EARS2: variants seen among roughly 807,000 people sequenced by gnomAD.
The protein encoded by EARS2 is glutamyl-tRNA synthetase 2, mitochondrial.
In EARS2, 50 loss-of-function variants were observed where a neutral mutation model predicts 54.1. That is an observed-to-expected ratio of 0.92 (90% confidence interval 0.74 to 1.17). The LOEUF is 1.17. EARS2 is among the 50% of genes most tolerant of loss of function. The pLI, the probability that EARS2 is intolerant of heterozygous loss-of-function variation, is 0.00. For missense variants in EARS2, 673 were observed against 675.0 expected (o/e 1.00, Z 0.03); for synonymous variants, 298 against 281.0 (o/e 1.06, Z -0.61).
chr16:23,555,664 C>A (rs1038852733), intron 1 of EARS2, among the ~76,000 whole-genome samples: 1 of 152,156 alleles, frequency 6.6e-6, no homozygotes, highest in Non-Finnish European at 1.5e-5. Flanking sequence ...CAATCAAGTA[C>A]AGAAACTGAG....
In EARS2 at chr16:23,524,397, G is replaced by T; in HGVS notation, c.1546C>A (p.Arg516=). The change falls in exon 9 of 9, where the codon CGG becomes AGG. Residue 516 remains arginine (R), a synonymous_variant. Coordinates refer to ENST00000449606, the MANE Select transcript of EARS2 (RefSeq NM_001083614.2). Reference sequence around the variant, plus strand: ...TAGCTGGAAACCACCTTCTGGATCCGTTCCCGTACTTCCTTTGGTCCCAAG... The same window carrying T: ...TAGCTGGAAACCACCTTCTGGATCCTTTCCCGTACTTCCTTTGGTCCCAAG... ...LALGPKEVRE[R]IQKVVSS The T allele has an allele frequency of 6.2e-7, 1 of 1,614,136 alleles. No homozygotes were observed.
In EARS2 at chr16:23,525,463, A is replaced by G. The variant is rs1965212031; in HGVS notation, c.1353-84T>C. On this transcript the variant is annotated intron_variant, in intron 7 of 8. Transcript: ENST00000449606. ...GAAGGGCTTCAGAAGGTTATTGATC[A>G]GCTACAGTACGAGCAGCACAACCAA... 4.9e-6 allele frequency: 7 copies of G among 1,434,302 alleles called. No individual in the cohort carries two copies. In the Admixed American group the frequency reaches 1.5e-4, roughly 30 times the overall value. 88.8% of individuals were successfully genotyped at this position (1,434,302 alleles called of 1,614,324 possible).
intron 8 of EARS2, 28 bp from the exon 9 acceptor site, chr16:23,524,482 T>C: frequency 6.3e-7 from 1 of 1,597,426 alleles, no homozygotes. Flanking sequence ...AAATATTGCC[T>C]TACTACCTTA....
rs1165879317 is a variant in EARS2 at position 23,535,131 on chromosome 16, T to C, written c.715A>G (p.Met239Val). ...HLACVVDDHHMGISHVLRGSE... is the reference protein window; with the variant it reads ...HLACVVDDHHVGISHVLRGSE... ...CCTCGCAGCACGTGGCTGATGCCCA[T>C]GTGGTGGTCGTCCACCACGCAGGCC... The change falls in exon 4 of 9, where the codon ATG becomes GTG. Residue 239 changes from methionine to valine, a missense_variant. By Grantham distance (21) the Met-to-Val change is conservative. Coordinates refer to ENST00000449606, the MANE Select transcript of EARS2 (RefSeq NM_001083614.2). 1.6e-5 allele frequency: 26 copies of C among 1,612,714 alleles called. No individual in the cohort carries two copies. The highest frequency in any genetic ancestry group is 2.2e-5 in the East Asian group (1 of 44,870).
chr16:23,525,317 A>G lies in EARS2; in HGVS notation c.1415T>C (p.Leu472Pro). The G allele has an allele frequency of 1.2e-6, 2 of 1,614,112 alleles. No individual in the cohort carries two copies. Among genetic ancestry groups the G allele is most frequent in the South Asian group, 2.2e-5 (2 of 91,068 alleles). Residue 472 changes from leucine (L) to proline (P), a missense_variant, in exon 8 of 9, where the codon CTA (leucine) becomes CCA (proline). Coordinates refer to ENST00000449606, the MANE Select transcript of EARS2 (RefSeq NM_001083614.2). ...QDMLNGELKK[L>P]SEGLEGTKYS... is the part of the protein sequence containing the mutation. The stretch of plus-strand genomic sequence containing the variant: ...CTTGGTGCCTTCCAGACCTTCTGAT[A>G]GCTTCTTCAGTTCTCCATTCAGCAT...
chr16:23,524,688 C>T (rs1965195479), intron 8 of EARS2, among the ~76,000 whole-genome samples: 1 of 150,936 alleles, frequency 6.6e-6, no homozygotes, highest in Admixed American at 6.6e-5. Flanking sequence ...ACTCTATCAC[C>T]CAGGCTGGAA....
intron 1 of EARS2, 151 bp downstream of exon 1, chr16:23,557,054 G>C (rs962102452): frequency 3.3e-6 from 4 of 1,204,432 alleles, no homozygotes; most frequent in Non-Finnish European, 4.6e-6. Flanking sequence ...CTGCACCTCA[G>C]TTTCCGCCTC....
rs1263996895 is a variant in EARS2, at chr16:23,521,754, C to G, written c.*2617G>C. 1 of 455,882 alleles carries G rather than the reference C, an allele frequency of 2.2e-6. No homozygotes were observed. Among genetic ancestry groups the G allele is most frequent in the Non-Finnish European group, 4.4e-6 (1 of 226,808 alleles). The allele number at this position is 455,882 out of a possible 1,614,324, so 28.2% of individuals were successfully genotyped here. On this transcript the variant is annotated 3_prime_UTR_variant, in exon 9 of 9. Coordinates refer to ENST00000449606, the MANE Select transcript of EARS2 (RefSeq NM_001083614.2). ...CATGTTGTAGATATACCAGAATCGA[C>G]TTAGTATTTTGACCACTCACTTTGT...
intron 2 of EARS2, among the ~76,000 whole-genome samples, chr16:23,550,161 C>T (rs1265123222): frequency 1.3e-5 from 2 of 152,082 alleles, no homozygotes. Flanking sequence ...AGGGGTTCAA[C>T]AGCAGCCTGG....
At chr16:23,526,121 T>TC (rs1328768204) in intron 7 of EARS2, among the ~76,000 whole-genome samples, 1 of 149,492 alleles carries the variant, frequency 6.7e-6, no homozygotes, top group Non-Finnish European at 1.5e-5. Flanking sequence ...TTTTTTTTTT[T>TC]TTTTTTTTGG....
Position 23,529,610 on chromosome 16 carries a change from T to C in EARS2, c.1244A>G (p.Asp415Gly). The C allele has an allele frequency of 6.2e-7, 1 of 1,613,980 alleles. No individual in the cohort carries two copies. The highest frequency in any genetic ancestry group is 8.5e-7 in the Non-Finnish European group (1 of 1,179,968). ...LRQGHICRLQ[D>G]LVSPVYSYLW... ...GTAAGAGTATACTGGGGACACCAAG[T>C]CCTGCAGGCGGCAAATGTGACCCTG... Residue 415 changes from aspartate (D) to glycine (G), a missense_variant, in exon 7 of 9, where the codon GAC (aspartate) becomes GGC (glycine). Around this residue, in one of 3 missense-constraint regions of EARS2, gnomAD observed 338 missense variants for 361.2 expected, o/e 0.94. Transcript: ENST00000449606.
intron 2 of EARS2, among the ~76,000 whole-genome samples, chr16:23,551,142 C>G (rs1965688355): frequency 6.6e-6 from 1 of 152,200 alleles, no homozygotes; most frequent in South Asian, 2.1e-4. Flanking sequence ...GAGGATTGGA[C>G]AAGCTGGGCC....
rs1965234783 is a variant in EARS2, at chr16:23,526,712, G to A, written c.1353-1333C>T. Among the ~76,000 whole-genome samples the A allele has an allele frequency of 2.0e-5, 3 of 152,156 alleles. No individual in the cohort carries two copies. The South Asian group carries it at 6.2e-4, about 32-fold the overall frequency. ...AATGGCTCTGCCACCAACTTGCTAT[G>A]GCCATTCTTCCACAAATTGAAGCCT... is the stretch of plus-strand genomic sequence containing the variant. On this transcript the variant is annotated intron_variant, in intron 7 of 8. Transcript: ENST00000449606.
chr16:23,555,984 T>C (rs1184627964), intron 1 of EARS2, among the ~76,000 whole-genome samples: 1 of 152,270 alleles, frequency 6.6e-6, no homozygotes, highest in Non-Finnish European at 1.5e-5. Flanking sequence ...TTCAAAATTT[T>C]ATTTTTCTGG....
At chr16:23,555,243 T>A (rs1965756781) in intron 1 of EARS2, among the ~76,000 whole-genome samples, 1 of 152,186 alleles carries the variant, frequency 6.6e-6, no homozygotes, top group Admixed American at 6.5e-5. Flanking sequence ...CCCAGCACTT[T>A]CGGAGGCCAA....
intron 2 of EARS2, among the ~76,000 whole-genome samples, chr16:23,547,423 C>T (rs1965621918): frequency 6.6e-6 from 1 of 152,126 alleles, no homozygotes; most frequent in Non-Finnish European, 1.5e-5. Context: ...TTAGTGGTGA[C>T]GGTTGCGCAA....
rs1965211751 is a variant in EARS2 at position 23,525,456 on chromosome 16, A to AGGAACG, written c.1353-78_1353-77insCGTTCC. ...GTGGGAGGAAGGGCTTCAGAAGGTTATTGATCAGCTACAGTACGAGCAGCA... is the reference window on the plus strand; with the variant it reads ...GTGGGAGGAAGGGCTTCAGAAGGTTAGGAACGTTGATCAGCTACAGTACGAGCAGCA... On this transcript the variant is annotated intron_variant, in intron 7 of 8. Transcript: ENST00000449606. The AGGAACG allele has an allele frequency of 5.4e-6, 8 of 1,474,418 alleles. No individual in the cohort carries two copies. The Admixed American group carries it at 1.6e-4, about 30-fold the overall frequency. The allele number at this position is 1,474,418 out of a possible 1,614,324, so 91.3% of individuals were successfully genotyped here.
intron 8 of EARS2, 69 bp downstream of exon 8, chr16:23,525,175 C>T: frequency 6.2e-7 from 1 of 1,610,900 alleles, no homozygotes; most frequent in Non-Finnish European, 8.5e-7. Context: ...CAGTGCCTGC[C>T]AGGAAATGTA....
rs1965346491 is a variant in EARS2 at position 23,532,707 on chromosome 16, G to A, written c.1017C>T (p.Val339=). ...ELITQFNLTQ[V]TCHSALLDLE... ...GGTCCAGCAGGGCTGAGTGACAGGTGACCTGTGTCAGGTTGAACTGTGTGA... is the reference window on the plus strand; with the variant it reads ...GGTCCAGCAGGGCTGAGTGACAGGTAACCTGTGTCAGGTTGAACTGTGTGA... Residue 339 remains valine (V), a synonymous_variant, in exon 5 of 9, where the codon GTC becomes GTT. Coordinates refer to ENST00000449606, the MANE Select transcript of EARS2 (RefSeq NM_001083614.2). The A allele has an allele frequency of 1.1e-5, 18 of 1,614,124 alleles. No individual in the cohort carries two copies. Among genetic ancestry groups the A allele is most frequent in the Non-Finnish European group, 1.3e-5 (15 of 1,180,020 alleles).
Sources: allele counts gnomAD v4.1 joint callset (sites outside exome capture counted in the v4.1 genomes callset), GRCh38; gene constraint gnomAD v4.1.1; regional missense constraint gnomAD v4.1.1; transcripts MANE v1.5; gene names NCBI Gene and HGNC (gene_info 2026-07-23, HGNC 2026-07-21).